Variants in ARHGAP18 observed in about 807,000 individuals in gnomAD.
The protein encoded by ARHGAP18 is Rho GTPase activating protein 18, also known as rho GTPase-activating protein 18.
In ARHGAP18, 67 loss-of-function variants were observed where a neutral mutation model predicts 86.2. The ratio of observed to expected loss-of-function variants is 0.78; its 90% CI spans 0.64 to 0.95. The LOEUF (loss-of-function observed/expected upper bound fraction) is 0.95. ARHGAP18 is among the 40% of genes least tolerant of loss of function. The pLI is 0.00. For missense variants in ARHGAP18, 691 were observed against 780.4 expected (o/e 0.89, Z 1.37); for synonymous variants, 283 against 280.4 (o/e 1.01, Z -0.09).
At chr6:129,674,289 C>T (rs1774191977) in intron 1 of ARHGAP18, among the ~76,000 whole-genome samples, 2 of 152,300 alleles carry the variant, frequency 1.3e-5, no homozygotes, top group East Asian at 1.9e-4. Flanking sequence ...ATTGTGAAAT[C>T]TTGAATGTCA....
chr6:129,631,673 C>T (rs1773214413), intron 4 of ARHGAP18, among the ~76,000 whole-genome samples: 1 of 151,746 alleles, frequency 6.6e-6, no homozygotes, highest in African/African-American at 2.4e-5. Flanking sequence ...GCAAATCTCC[C>T]TTAAGTTTTT....
intron 3 of ARHGAP18, among the ~76,000 whole-genome samples, chr6:129,637,896 C>T (rs1018327536): frequency 6.6e-6 from 1 of 152,220 alleles, no homozygotes; most frequent in Non-Finnish European, 1.5e-5. Flanking sequence ...TTTCTTTTAA[C>T]ACCACAAAGG....
intron 3 of ARHGAP18, among the ~76,000 whole-genome samples, chr6:129,634,914 GT>G (rs768673411): frequency 2.0e-5 from 3 of 151,376 alleles, no homozygotes; most frequent in Non-Finnish European, 2.9e-5. Flanking sequence ...AGAAATAAAT[GT>G]GAGATAAGTA....
chr6:129,691,019 G>A (rs907095981), intron 1 of ARHGAP18, among the ~76,000 whole-genome samples: 1 of 151,902 alleles, frequency 6.6e-6, no homozygotes, highest in Non-Finnish European at 1.5e-5. Context: ...TTTATATATT[G>A]GGCTCAATAT....
At chr6:129,706,815 G>T (rs901189338) in intron 1 of ARHGAP18, among the ~76,000 whole-genome samples, 1 of 146,072 alleles carries the variant, frequency 6.8e-6, no homozygotes, top group Non-Finnish European at 1.5e-5. Flanking sequence ...TGAGCCTGGA[G>T]ACGGAGGTTG....
intron 1 of ARHGAP18, 92 bp from the exon 2 acceptor site, chr6:129,642,110 T>G: frequency 8.9e-7 from 1 of 1,120,398 alleles, no homozygotes; most frequent in Non-Finnish European, 1.3e-6. Context: ...GAGAATTTAT[T>G]AACTCCTTAA....
chr6:129,625,436 ATATATATTTTATAT>A (rs1233937204), intron 5 of ARHGAP18, among the ~76,000 whole-genome samples: 2 of 61,114 alleles, frequency 3.3e-5, no homozygotes, highest in African/African-American at 8.4e-5. Flanking sequence ...ATTATATATA[ATATATATTTTATAT>A]TATATATTAT....
rs767946571 is a variant in ARHGAP18 at position 129,583,971 on chromosome 6, A to G, written c.1838+17T>C. 6.2e-7 allele frequency: 1 copy of G among 1,611,560 alleles called. No individual in the cohort carries two copies. The highest frequency in any genetic ancestry group is 8.5e-7 in the Non-Finnish European group (1 of 1,178,664). ...TGACTTATGCCATGGCATAATTAAC[A>G]CAAAACAGGCCTCTACCTTTCTTGG... On this transcript the variant is annotated intron_variant, in intron 13 of 14. Transcript: ENST00000368149.
chr6:129,661,319 A>C (rs1015897784), intron 1 of ARHGAP18, among the ~76,000 whole-genome samples: 5 of 151,110 alleles, frequency 3.3e-5, no homozygotes, highest in South Asian at 2.1e-4. Context: ...TAAAAAAAAA[A>C]AAAAAAAAAA....
At chr6:129,579,475 T>C (rs905367897) in intron 14 of ARHGAP18, among the ~76,000 whole-genome samples, 1 of 152,132 alleles carries the variant, frequency 6.6e-6, no homozygotes, top group African/African-American at 2.4e-5. Context: ...ACCCTTACCA[T>C]TTCCAAGAGT....
At chr6:129,684,707 A>G (rs1272156265) in intron 1 of ARHGAP18, among the ~76,000 whole-genome samples, 1 of 152,236 alleles carries the variant, frequency 6.6e-6, no homozygotes, top group Non-Finnish European at 1.5e-5. Flanking sequence ...GTAGTTGGCC[A>G]TCTGGTGACT....
chr6:129,651,859 C>T (rs1243344717), intron 1 of ARHGAP18, among the ~76,000 whole-genome samples: 1 of 151,190 alleles, frequency 6.6e-6, no homozygotes, highest in Non-Finnish European at 1.5e-5. Context: ...ATACTGAAAT[C>T]CTAACTCTCA....
At chr6:129,590,033 C>G (rs1264571822) in intron 12 of ARHGAP18, among the ~76,000 whole-genome samples, 4 of 152,162 alleles carry the variant, frequency 2.6e-5, no homozygotes, top group Non-Finnish European at 5.9e-5. Context: ...CTCAGCAAGT[C>G]TGTTCTTTCC....
intron 8 of ARHGAP18, among the ~76,000 whole-genome samples, chr6:129,609,257 A>G (rs1310411421): frequency 6.6e-6 from 1 of 152,144 alleles, no homozygotes; most frequent in Admixed American, 6.5e-5. Context: ...ACATTTTTGC[A>G]TATTATCTTT....
rs1322990932 is a variant in ARHGAP18, at chr6:129,626,105, C to CATAT, written c.786+3244_786+3247dup. ...ACACACACACACACACACACACACA[C>CATAT]ATATATAGAAGAAAAGCCTGGAAAC... On this transcript the variant is annotated intron_variant, in intron 5 of 14. Transcript: ENST00000368149. Among the ~76,000 whole-genome samples, 195 of 124,888 alleles carry CATAT rather than the reference C, an allele frequency of 1.6e-3. 1 individual carries two copies. The highest frequency in any genetic ancestry group is 5.7e-3 in the East Asian group (26 of 4,550). 81.9% of individuals were successfully genotyped at this position (124,888 alleles called of 152,430 possible).
rs1788178486 is a variant in ARHGAP18, at chr6:129,576,498, G to C, written c.*2015C>G. 1 of 152,108 alleles carries C rather than the reference G, an allele frequency of 6.6e-6. No individual in the cohort carries two copies. The highest frequency in any genetic ancestry group is 2.4e-5 in the African/African-American group (1 of 41,430). 9.4% of individuals were successfully genotyped at this position (152,108 alleles called of 1,614,324 possible). A position where few individuals can be genotyped will look rare whatever the true frequency, so the allele number is the denominator to read the frequency against. On this transcript the variant is annotated 3_prime_UTR_variant, in exon 15 of 15. Transcript: ENST00000368149. ...GATTTTTTAAAGTCCATATTTTTTT[G>C]TTATTTAAACGTGATATTATTCAAC... is the stretch of plus-strand genomic sequence containing the variant.
At chr6:129,686,826 C>T (rs1035658052) in intron 1 of ARHGAP18, among the ~76,000 whole-genome samples, 13 of 137,456 alleles carry the variant, frequency 9.5e-5, no homozygotes, top group African/African-American at 2.1e-4. Flanking sequence ...GTCTCGCTCT[C>T]GTGGCCCAGG....
chr6:129,677,265 C>T (rs1774252923), intron 1 of ARHGAP18, among the ~76,000 whole-genome samples: 1 of 152,032 alleles, frequency 6.6e-6, no homozygotes, highest in Admixed American at 6.5e-5. Flanking sequence ...CGGTGGCGGA[C>T]GCCTGTAGTC....
Position 129,578,092 on chromosome 6 carries a change from A to G in ARHGAP18, c.*421T>C, listed in dbSNP as rs1342684364. ...CTGGTATTTGTTATCTTTTTGGTCA[A>G]AAAGCAAACCTAACTGGGAAAGGGT... On this transcript the variant is annotated 3_prime_UTR_variant, in exon 15 of 15. Transcript: ENST00000368149. The G allele has an allele frequency of 6.6e-6, 1 of 152,198 alleles. No homozygotes were observed. The highest frequency in any genetic ancestry group is 1.5e-5 in the Non-Finnish European group (1 of 68,044). 9.4% of individuals were successfully genotyped at this position (152,198 alleles called of 1,614,324 possible). A position where few individuals can be genotyped will look rare whatever the true frequency, so the allele number is the denominator to read the frequency against.
Sources: gnomAD v4.1 joint callset for allele counts (sites outside exome capture counted in the v4.1 genomes callset) on GRCh38, gnomAD v4.1.1 for gene constraint, MANE v1.5 for transcripts, NCBI Gene and HGNC (gene_info 2026-07-23, HGNC 2026-07-21) for gene names.